Variants in ASAP1 observed in about 807,000 individuals in gnomAD.
ASAP1 encodes the protein ArfGAP with SH3 domain, ankyrin repeat and PH domain 1.
In ASAP1, 43 loss-of-function variants were observed where a neutral mutation model predicts 145.2. The ratio of observed to expected loss-of-function variants is 0.30; its 90% CI spans 0.23 to 0.38. The LOEUF (loss-of-function observed/expected upper bound fraction) is 0.38. ASAP1 is among the 10% of genes least tolerant of loss of function. The pLI is 1.00. For missense variants in ASAP1, 1,018 were observed against 1,355.3 expected, an observed-to-expected ratio of 0.75 and a Z score of 3.91; for synonymous variants, 546 against 515.5, an observed-to-expected ratio of 1.06 and a Z score of -0.80.
At chr8:130,237,608 AT>A (rs758102359) in intron 3 of ASAP1, among the ~76,000 whole-genome samples, 1 of 152,088 alleles carries the variant, frequency 6.6e-6, no homozygotes, top group Non-Finnish European at 1.5e-5. Flanking sequence ...CTTTTAAATG[AT>A]TTCTTGGATG....
intron 3 of ASAP1, among the ~76,000 whole-genome samples, chr8:130,322,407 G>A (rs185494139): frequency 6.6e-6 from 1 of 152,192 alleles, no homozygotes; most frequent in Admixed American, 6.5e-5. Flanking sequence ...GGTGTCTTGA[G>A]TCCCCGCTGT....
intron 13 of ASAP1, among the ~76,000 whole-genome samples, chr8:130,142,539 T>C (rs1270349969): frequency 6.6e-6 from 1 of 152,154 alleles, no homozygotes; most frequent in Non-Finnish European, 1.5e-5. Flanking sequence ...TCCATGCCAT[T>C]AAACATCTGT....
chr8:130,330,255 T>C (rs985185239), intron 3 of ASAP1, among the ~76,000 whole-genome samples: 26 of 152,270 alleles, frequency 1.7e-4, no homozygotes, highest in African/African-American at 6.3e-4. Flanking sequence ...CCATTCCACT[T>C]TGCATTTTCT....
chr8:130,419,311 C>T (rs560578971), intron 1 of ASAP1, among the ~76,000 whole-genome samples: 3 of 152,324 alleles, frequency 2.0e-5, no homozygotes, highest in South Asian at 4.1e-4. Flanking sequence ...CCATCCCCAT[C>T]GTCTGCCACT....
intron 1 of ASAP1, among the ~76,000 whole-genome samples, chr8:130,436,651 G>A (rs140508975): frequency 6.6e-6 from 1 of 152,254 alleles, no homozygotes; most frequent in East Asian, 1.9e-4. Flanking sequence ...TATAAAAAAT[G>A]AATAACCAGG....
intron 11 of ASAP1, among the ~76,000 whole-genome samples, chr8:130,161,319 G>A (rs772188095): frequency 2.6e-5 from 4 of 152,152 alleles, no homozygotes; most frequent in Non-Finnish European, 4.4e-5. Flanking sequence ...ACTTGTGTAC[G>A]AAATACCTTT....
chr8:130,339,346 C>T (rs1320113865), intron 3 of ASAP1, among the ~76,000 whole-genome samples: 1 of 152,154 alleles, frequency 6.6e-6, no homozygotes, highest in African/African-American at 2.4e-5. Context: ...GTTTAAAGAC[C>T]ATGCTGTGGA....
chr8:130,210,758 T>C (rs1301125574), intron 5 of ASAP1, among the ~76,000 whole-genome samples: 4 of 152,224 alleles, frequency 2.6e-5, no homozygotes, highest in Non-Finnish European at 5.9e-5. Flanking sequence ...TTGCACCATT[T>C]TGCAGGTATA....
chr8:130,171,465 G>C (rs1307407122), intron 9 of ASAP1, among the ~76,000 whole-genome samples: 1 of 152,142 alleles, frequency 6.6e-6, no homozygotes, highest in Admixed American at 6.5e-5. Flanking sequence ...AGAAATGCTA[G>C]ACACTTAAAA....
At chr8:130,159,091 G>C (rs974318606) in intron 12 of ASAP1, among the ~76,000 whole-genome samples, 1 of 152,068 alleles carries the variant, frequency 6.6e-6, no homozygotes, top group Non-Finnish European at 1.5e-5. Flanking sequence ...TGCAGAAAAA[G>C]AAGAATGAGC....
In ASAP1 at chr8:130,227,833, GCTTA is replaced by G. The variant is rs146857896; in HGVS notation, c.259+9085_259+9088del. ...AGATAACGTGTGTCGTCGTTCTGAGGCTTACTAAGGGGTCTATGACCCCAAAATG... is the reference window on the plus strand; with the variant it reads ...AGATAACGTGTGTCGTCGTTCTGAGGCTAAGGGGTCTATGACCCCAAAATG... On this transcript the variant is annotated intron_variant, in intron 4 of 29. Coordinates refer to ENST00000518721, the MANE Select transcript of ASAP1 (RefSeq NM_018482.4). 2.2e-3 allele frequency among the ~76,000 whole-genome samples: 342 copies of G among 152,114 alleles called. 10 individuals are homozygous for G. The East Asian group carries it at 0.048, about 21-fold the overall frequency.
intron 27 of ASAP1, among the ~76,000 whole-genome samples, chr8:130,072,824 TGC>T (rs71303498): frequency 4.0e-4 from 13 of 32,290 alleles, no homozygotes; most frequent in Non-Finnish European, 6.3e-4. Flanking sequence ...TGTGTGTGTG[TGC>T]GCGCGGGGGG....
At chr8:130,433,542 A>G (rs546007929) in intron 1 of ASAP1, among the ~76,000 whole-genome samples, 43 of 152,240 alleles carry the variant, frequency 2.8e-4, no homozygotes, top group African/African-American at 9.9e-4. Context: ...TAACAGTTAC[A>G]TATCTTTCTC....
At chr8:130,070,845 GA>G in intron 27 of ASAP1, among the ~76,000 whole-genome samples, 1 of 8,848 alleles carries the variant, frequency 1.1e-4, no homozygotes, top group Non-Finnish European at 2.1e-4. Flanking sequence ...GAGAGGGAGA[GA>G]GGGAGAGAGA....
At chr8:130,213,859 A>G (rs2136423463) in intron 5 of ASAP1, among the ~76,000 whole-genome samples, 1 of 152,194 alleles carries the variant, frequency 6.6e-6, no homozygotes, top group South Asian at 2.1e-4. Flanking sequence ...AGGGCTGGGG[A>G]GGGGGTTGCA....
chr8:130,261,362 G>T (rs1158594778), intron 3 of ASAP1, among the ~76,000 whole-genome samples: 1 of 152,198 alleles, frequency 6.6e-6, no homozygotes, highest in African/African-American at 2.4e-5. Context: ...ACTTTCAAGG[G>T]CATTTCTGCC....
intron 1 of ASAP1, among the ~76,000 whole-genome samples, chr8:130,422,407 T>C (rs147270807): frequency 2.0e-3 from 311 of 152,310 alleles, no homozygotes; most frequent in Middle Eastern, 0.01. Context: ...TTCTAATTCC[T>C]TGATAGAAAA....
intron 5 of ASAP1, among the ~76,000 whole-genome samples, chr8:130,213,425 A>G (rs1816705849): frequency 1.3e-5 from 2 of 152,168 alleles, no homozygotes; most frequent in African/African-American, 4.8e-5. Context: ...GGTAGTTTTC[A>G]TTTTTCAAAT....
intron 1 of ASAP1, among the ~76,000 whole-genome samples, chr8:130,420,172 G>C (rs1829658445): frequency 6.6e-6 from 1 of 151,232 alleles, no homozygotes; most frequent in African/African-American, 2.4e-5. Context: ...AGTCATTAGG[G>C]AAATGCAAAT....
Sources: allele counts gnomAD v4.1 joint callset (sites outside exome capture counted in the v4.1 genomes callset), GRCh38; gene constraint gnomAD v4.1.1; transcripts MANE v1.5; gene names NCBI Gene and HGNC (gene_info 2026-07-23, HGNC 2026-07-21).